MYRIP: variants seen among roughly 807,000 people sequenced by gnomAD.
MYRIP encodes rab effector MyRIP.
In MYRIP, 49 loss-of-function variants were observed where a neutral mutation model predicts 98.0. The observed-to-expected ratio is 0.50, with a 90% CI of 0.40 to 0.63. The LOEUF (loss-of-function observed/expected upper bound fraction) is 0.63. MYRIP is among the 30% of genes least tolerant of loss of function. The pLI, the probability that MYRIP is intolerant of heterozygous loss-of-function variation, is 0.00. For missense variants in MYRIP, 1,004 were observed against 1,058.2 expected, an observed-to-expected ratio of 0.95 and a Z score of 0.71; for synonymous variants, 404 against 409.5, an observed-to-expected ratio of 0.99 and a Z score of 0.16.
chr3:40,214,456 C>T (rs994137773), intron 11 of MYRIP, among the ~76,000 whole-genome samples: 1 of 152,232 alleles, frequency 6.6e-6, no homozygotes, highest in East Asian at 1.9e-4. Context: ...TAGAAACATA[C>T]TTTTTCCTGA....
At chr3:40,010,597 G>T (rs1453128741) in intron 2 of MYRIP, among the ~76,000 whole-genome samples, 1 of 152,176 alleles carries the variant, frequency 6.6e-6, no homozygotes, top group African/African-American at 2.4e-5. Flanking sequence ...TTTAAAACAG[G>T]GTTGGTTTTA....
At chr3:40,172,299 C>T (rs2254858) in intron 8 of MYRIP, among the ~76,000 whole-genome samples, 148,323 of 152,298 alleles carry the variant, frequency 0.97, 72,330 homozygotes, top group East Asian at 1. Context: ...GGTAGACGCT[C>T]GGTTAGGGAG....
At chr3:40,051,814 T>C (rs1947800794) in intron 3 of MYRIP, among the ~76,000 whole-genome samples, 1 of 152,190 alleles carries the variant, frequency 6.6e-6, no homozygotes, top group Non-Finnish European at 1.5e-5. Flanking sequence ...TATTACTTGG[T>C]ATTCACACAG....
At chr3:39,922,019 A>G (rs530443881) in intron 2 of MYRIP, among the ~76,000 whole-genome samples, 229 of 152,258 alleles carry the variant, frequency 1.5e-3, no homozygotes, top group Non-Finnish European at 2.1e-3. Context: ...TAAGACAAAC[A>G]TAATAAGAGG....
At chr3:39,878,061 C>A (rs1008156800) in intron 1 of MYRIP, among the ~76,000 whole-genome samples, 10 of 152,246 alleles carry the variant, frequency 6.6e-5, no homozygotes, top group African/African-American at 2.4e-4. Flanking sequence ...AGGCGCCCCT[C>A]CCCCAGCCTC....
Position 39,930,670 on chromosome 3 carries a change from G to A in MYRIP, c.110+29744G>A, listed in dbSNP as rs545935216. ...TTTATAAATTTATCTCTTAAATTGA[G>A]GTCTTTGGTCCATTTTGATTTAATT... is the stretch of plus-strand genomic sequence containing the variant. On this transcript the variant is annotated intron_variant, in intron 2 of 16. Transcript: ENST00000302541. 4.4e-4 allele frequency among the ~76,000 whole-genome samples: 67 copies of A among 151,988 alleles called. No individual in the cohort carries two copies. In the Middle Eastern group the frequency reaches 0.01, roughly 23 times the overall value.
At chr3:40,198,213 C>A (rs1430509812) in intron 10 of MYRIP, among the ~76,000 whole-genome samples, 2 of 125,456 alleles carry the variant, frequency 1.6e-5, no homozygotes, top group African/African-American at 5.1e-5. Flanking sequence ...AACAGGGAAG[C>A]ACCGAGGGCA....
chr3:39,847,023 G>C (rs1941984951), intron 1 of MYRIP, among the ~76,000 whole-genome samples: 1 of 152,174 alleles, frequency 6.6e-6, no homozygotes, highest in African/African-American at 2.4e-5. Context: ...TTCACATTAA[G>C]CAGGGCAATC....
At chr3:39,949,802 C>T (rs1944970412) in intron 2 of MYRIP, among the ~76,000 whole-genome samples, 1 of 152,118 alleles carries the variant, frequency 6.6e-6, no homozygotes, top group Non-Finnish European at 1.5e-5. Flanking sequence ...AACTTGAAGT[C>T]AGTACAAAGC....
chr3:39,819,675 C>T (rs9824720), intron 1 of MYRIP, among the ~76,000 whole-genome samples: 29,971 of 152,098 alleles, frequency 0.2, 3,066 homozygotes, highest in South Asian at 0.29. Flanking sequence ...ACCAGAACAG[C>T]GTGACACCAC....
At chr3:40,083,336 G>T (rs978404137) in intron 3 of MYRIP, among the ~76,000 whole-genome samples, 3 of 152,190 alleles carry the variant, frequency 2.0e-5, no homozygotes, top group Non-Finnish European at 2.9e-5. Flanking sequence ...GTTAGACAAA[G>T]GTAGATTTGT....
chr3:40,084,780 G>C (rs1284871840), intron 3 of MYRIP, among the ~76,000 whole-genome samples: 39 of 36,810 alleles, frequency 1.1e-3, no homozygotes, highest in East Asian at 2.4e-3. Context: ...TAATATATAT[G>C]TGTTACATGT....
At chr3:40,088,440 T>A (rs1948673291) in intron 3 of MYRIP, among the ~76,000 whole-genome samples, 1 of 152,186 alleles carries the variant, frequency 6.6e-6, no homozygotes. Flanking sequence ...CCCTAATATA[T>A]CCTGAATGTT....
At chr3:40,005,673 A>C (rs578199961) in intron 2 of MYRIP, among the ~76,000 whole-genome samples, 57 of 152,344 alleles carry the variant, frequency 3.7e-4, no homozygotes, top group African/African-American at 1.3e-3. Context: ...CATGGATAAC[A>C]GTCTTCCTTT....
intron 1 of MYRIP, among the ~76,000 whole-genome samples, chr3:39,880,602 T>G (rs1943134748): frequency 6.6e-6 from 1 of 152,250 alleles, no homozygotes; most frequent in South Asian, 2.1e-4. Context: ...TTCATAAATG[T>G]GTTAGCTTCA....
chr3:40,031,044 A>T (rs1360816886), intron 2 of MYRIP, among the ~76,000 whole-genome samples: 3 of 152,124 alleles, frequency 2.0e-5, no homozygotes, highest in African/African-American at 7.2e-5. Context: ...ATATCAGTCT[A>T]TTTGGCCGCT....
chr3:40,025,357 GA>G (rs1159787254), intron 2 of MYRIP, among the ~76,000 whole-genome samples: 1 of 151,724 alleles, frequency 6.6e-6, no homozygotes, highest in African/African-American at 2.4e-5. Context: ...AGCCTTGACA[GA>G]TTTTTTTTTT....
chr3:39,863,012 C>T (rs1023980641), intron 1 of MYRIP, among the ~76,000 whole-genome samples: 2 of 152,080 alleles, frequency 1.3e-5, no homozygotes, highest in African/African-American at 4.8e-5. Context: ...ACCATGCTAA[C>T]TACATTAATT....
intron 2 of MYRIP, among the ~76,000 whole-genome samples, chr3:39,917,056 G>C (rs1944179789): frequency 6.6e-6 from 1 of 152,114 alleles, no homozygotes; most frequent in African/African-American, 2.4e-5. Flanking sequence ...ACTGGTTTAA[G>C]TCTTGGGAAA....
Sources: allele counts gnomAD v4.1 joint callset (sites outside exome capture counted in the v4.1 genomes callset), GRCh38; gene constraint gnomAD v4.1.1; transcripts MANE v1.5; gene names NCBI Gene and HGNC (gene_info 2026-07-23, HGNC 2026-07-21).